REPS1: variants seen among roughly 807,000 people sequenced by gnomAD.
REPS1 encodes the protein RALBP1 associated Eps domain containing 1.
REPS1 carries 39 observed loss-of-function variants against 100.9 expected under a neutral mutation model. The observed-to-expected ratio is 0.39, with a 90% confidence interval of 0.30 to 0.50. The LOEUF is 0.50. Ranked by LOEUF, REPS1 falls within the 20% of genes least tolerant of loss-of-function variation. The probability of loss-of-function intolerance (pLI) is 0.86; values close to 1 mark genes in which losing one functional copy is unlikely to be tolerated. For synonymous variants in REPS1, 324 were observed against 340.3 expected, an observed-to-expected ratio of 0.95 and a Z score of 0.53; for missense variants, 821 against 968.5, an observed-to-expected ratio of 0.85 and a Z score of 2.02.
chr6:138,916,066 GA>G (rs1780356842), intron 13 of REPS1, 90 bp from the exon 14 acceptor site: 9 of 898,054 alleles, frequency 1.0e-5, no homozygotes, highest in Non-Finnish European at 1.5e-5. Flanking sequence ...AGCAGCAAAG[GA>G]TCTTATTAGC....
chr6:138,987,920 G>T lies in REPS1; in HGVS notation c.-238C>A, dbSNP rs1294903487. 5.3e-6 allele frequency: 2 copies of T among 379,062 alleles called. No homozygotes were observed. The highest frequency in any genetic ancestry group is 9.1e-6 in the Non-Finnish European group (2 of 218,584). 23.5% of individuals were successfully genotyped at this position (379,062 alleles called of 1,614,324 possible). A position where few individuals can be genotyped will look rare whatever the true frequency, so the allele number is the denominator to read the frequency against. On this transcript the variant is annotated 5_prime_UTR_variant, in exon 1 of 20. Transcript: ENST00000450536. ...CGAGGCCCGGCGCGCGGCTGCGGCTGCGGCTGCGACTACGGCTCCGGCTCC... is the reference window on the plus strand; with the variant it reads ...CGAGGCCCGGCGCGCGGCTGCGGCTTCGGCTGCGACTACGGCTCCGGCTCC...
At chr6:138,912,193 G>C (rs1780055530) in intron 16 of REPS1, among the ~76,000 whole-genome samples, 1 of 152,182 alleles carries the variant, frequency 6.6e-6, no homozygotes, top group African/African-American at 2.4e-5. Flanking sequence ...TTAGGTCAGA[G>C]ATTCCTAGAG....
Position 138,930,015 on chromosome 6 carries a change from G to C in REPS1, c.1219C>G (p.Leu407Val). 1 of 1,613,804 alleles carries C rather than the reference G, an allele frequency of 6.2e-7. No homozygotes were observed. Among genetic ancestry groups the C allele is most frequent in the Non-Finnish European group, 8.5e-7 (1 of 1,179,760 alleles). Residue 407 changes from leucine (L) to valine (V), a missense_variant, in exon 9 of 20, where the codon CTA becomes GTA. Physicochemically the swap from Leu to Val is conservative, Grantham distance 32. This residue lies in a region of REPS1 where 757 missense variants were observed against 866.4 expected (regional missense o/e 0.87). Transcript: ENST00000450536. ...TTCAGCTCAGGCCATGTCTGGTTTA[G>C]TGATGGCATCGATGGTGACTTGCTT... is the stretch of plus-strand genomic sequence containing the variant. ...PPSKSPSMPSLNQTWPELNQS... is the reference protein window; with the variant it reads ...PPSKSPSMPSVNQTWPELNQS...
chr6:138,939,908 A>C (rs1039061676), intron 8 of REPS1, among the ~76,000 whole-genome samples: 2 of 152,230 alleles, frequency 1.3e-5, no homozygotes, highest in African/African-American at 4.8e-5. Flanking sequence ...AAATGTGCTT[A>C]AGAAATTAAA....
At position 138,945,567 on chromosome 6, in the gene REPS1, C is replaced by G. The variant is rs1429610726; in HGVS notation, c.408G>C (p.Arg136Ser). 4 of 1,612,890 alleles carry G rather than the reference C, an allele frequency of 2.5e-6. No homozygotes were observed. The highest frequency in any genetic ancestry group is 3.4e-6 in the Non-Finnish European group (4 of 1,179,684). Reference protein sequence around the residue: ...YSGVIPPPPGRGQVKKGSVSH... With the variant: ...YSGVIPPPPGSGQVKKGSVSH... Reference sequence around the variant, plus strand: ...TTACGGATCCCTTTTTCACTTGCCCCCTGCCAGGTGGTGGGGGAATTACAC... The same window carrying G: ...TTACGGATCCCTTTTTCACTTGCCCGCTGCCAGGTGGTGGGGGAATTACAC... The change falls in exon 3 of 20, where the codon AGG (arginine) becomes AGC (serine). Residue 136 changes from arginine (R) to serine (S), a missense_variant. Arg to Ser is a moderately radical substitution (Grantham distance 110). Transcript: ENST00000450536.
chr6:138,934,543 T>C (rs1449808527), intron 8 of REPS1, among the ~76,000 whole-genome samples: 1 of 152,216 alleles, frequency 6.6e-6, no homozygotes, highest in African/African-American at 2.4e-5. Context: ...AGTTCCCCGA[T>C]TCAATTCAGT....
intron 7 of REPS1, 29 bp downstream of exon 7, chr6:138,943,484 T>C: frequency 7.1e-7 from 1 of 1,418,118 alleles, no homozygotes; most frequent in Non-Finnish European, 9.9e-7. Flanking sequence ...AGCAACCCAG[T>C]TACCCAACTA....
chr6:138,981,966 A>AT (rs141161352), intron 1 of REPS1, among the ~76,000 whole-genome samples: 4,670 of 152,314 alleles, frequency 0.031, 113 homozygotes, highest in African/African-American at 0.067. Flanking sequence ...GAAGACAGAA[A>AT]TTTTAAAAGT....
At chr6:138,957,795 G>T (rs992898261) in intron 1 of REPS1, among the ~76,000 whole-genome samples, 1 of 152,176 alleles carries the variant, frequency 6.6e-6, no homozygotes, top group Non-Finnish European at 1.5e-5. Context: ...TGTAATCATA[G>T]TACAATACTG....
intron 7 of REPS1, among the ~76,000 whole-genome samples, chr6:138,942,689 G>C (rs1301624755): frequency 6.6e-6 from 1 of 152,090 alleles, no homozygotes; most frequent in Non-Finnish European, 1.5e-5. Context: ...CAATCTGCCT[G>C]CCTTGGCTTC....
intron 1 of REPS1, among the ~76,000 whole-genome samples, chr6:138,970,480 A>C (rs142757067): frequency 6.7e-6 from 1 of 148,822 alleles, no homozygotes; most frequent in Non-Finnish European, 1.5e-5. Flanking sequence ...AAGGAGGGGG[A>C]ATATAAAAGT....
intron 1 of REPS1, among the ~76,000 whole-genome samples, chr6:138,986,855 C>T (rs554033031): frequency 1.3e-5 from 2 of 152,344 alleles, no homozygotes; most frequent in African/African-American, 4.8e-5. Context: ...TAACGCACTT[C>T]TGCCTACCAG....
chr6:138,935,879 T>C (rs57702150), intron 8 of REPS1, among the ~76,000 whole-genome samples: 5 of 35,058 alleles, frequency 1.4e-4, no homozygotes, highest in African/African-American at 3.3e-4. Context: ...CGCGGGGGAG[T>C]GGTGGCCAGG....
chr6:138,916,163 T>C (rs765466429), intron 13 of REPS1, 187 bp from the exon 14 acceptor site: 15 of 541,412 alleles, frequency 2.8e-5, no homozygotes, highest in Non-Finnish European at 3.9e-5. Flanking sequence ...CAACTGATTA[T>C]TTTATGTGGC....
intron 8 of REPS1, among the ~76,000 whole-genome samples, chr6:138,938,052 CT>C (rs1237260613): frequency 6.7e-6 from 1 of 149,906 alleles, no homozygotes; most frequent in African/African-American, 2.5e-5. Context: ...GCTAAATATT[CT>C]TTAATTCAGC....
chr6:138,971,234 T>G (rs1179179374), intron 1 of REPS1, among the ~76,000 whole-genome samples: 1 of 152,202 alleles, frequency 6.6e-6, no homozygotes, highest in Non-Finnish European at 1.5e-5. Context: ...AGTGGGTCAT[T>G]AGCTTTCAAA....
chr6:138,932,288 A>G (rs1181008096), intron 8 of REPS1, among the ~76,000 whole-genome samples: 1 of 115,686 alleles, frequency 8.6e-6, no homozygotes, highest in Admixed American at 9.5e-5. Flanking sequence ...GTAGACCTCA[A>G]ACTGTGGACC....
intron 1 of REPS1, among the ~76,000 whole-genome samples, chr6:138,985,719 T>A (rs1270255857): frequency 6.6e-6 from 1 of 152,242 alleles, no homozygotes; most frequent in Admixed American, 6.5e-5. Context: ...AATTTATTTT[T>A]TGAATGTTAA....
At chr6:138,947,970 A>G in intron 1 of REPS1, 57 bp from the exon 2 acceptor site, 1 of 1,480,950 alleles carries the variant, frequency 6.8e-7, no homozygotes, top group African/African-American at 1.4e-5. Flanking sequence ...CCCTTCAAAA[A>G]TAAGCAGCTA....
Sources: allele counts gnomAD v4.1 joint callset (sites outside exome capture counted in the v4.1 genomes callset), GRCh38; gene constraint gnomAD v4.1.1; regional missense constraint gnomAD v4.1.1; transcripts MANE v1.5; gene names NCBI Gene and HGNC (gene_info 2026-07-23, HGNC 2026-07-21).